Variants in HORMAD2 observed in about 807,000 individuals in gnomAD.
The protein encoded by HORMAD2 is HORMA domain containing 2.
A neutral mutation model predicts 38.8 loss-of-function variants in HORMAD2; 45 were observed. The ratio of observed to expected loss-of-function variants is 1.16; its 90% CI spans 0.91 to 1.49. The LOEUF (loss-of-function observed/expected upper bound fraction) is 1.49. HORMAD2 is among the 40% of genes most tolerant of loss of function. The pLI, the probability that HORMAD2 is intolerant of heterozygous loss-of-function variation, is 0.00. For synonymous variants in HORMAD2, 126 were observed against 122.8 expected, an observed-to-expected ratio of 1.03 and a Z score of -0.17; for missense variants, 338 against 367.0, an observed-to-expected ratio of 0.92 and a Z score of 0.65.
chr22:30,122,730 G>C (rs1922548709), intron 10 of HORMAD2, among the ~76,000 whole-genome samples: 1 of 152,252 alleles, frequency 6.6e-6, no homozygotes, highest in Middle Eastern at 3.4e-3. Flanking sequence ...GGGTTGGTGG[G>C]GTTGGAGCTA....
intron 10 of HORMAD2, among the ~76,000 whole-genome samples, chr22:30,165,126 A>G (rs999482142): frequency 1.3e-5 from 2 of 152,196 alleles, no homozygotes; most frequent in Admixed American, 6.5e-5. Context: ...ATAAAGGTCT[A>G]ACTTCATTCT....
At chr22:30,148,862 G>A (rs567827528) in intron 10 of HORMAD2, among the ~76,000 whole-genome samples, 8 of 152,096 alleles carry the variant, frequency 5.3e-5, no homozygotes, top group Non-Finnish European at 7.4e-5. Flanking sequence ...AAAGTTAGCC[G>A]GGCGTGGTGA....
intron 2 of HORMAD2, among the ~76,000 whole-genome samples, chr22:30,095,108 G>A (rs984010249): frequency 4.6e-5 from 7 of 152,140 alleles, no homozygotes; most frequent in Non-Finnish European, 7.4e-5. Context: ...ACTGGCAATC[G>A]AAAAATCTTA....
At chr22:30,082,074 T>G (rs2068489149) in intron 1 of HORMAD2, among the ~76,000 whole-genome samples, 1 of 152,240 alleles carries the variant, frequency 6.6e-6, no homozygotes, top group African/African-American at 2.4e-5. Context: ...GGATCTTCTT[T>G]AAATCAAAGG....
At chr22:30,130,806 G>A (rs1213781756) in intron 10 of HORMAD2, among the ~76,000 whole-genome samples, 1 of 151,634 alleles carries the variant, frequency 6.6e-6, no homozygotes, top group Non-Finnish European at 1.5e-5. Context: ...GCCCAGGCTG[G>A]TCTCCAACTC....
chr22:30,157,945 A>G (rs1195117089), intron 10 of HORMAD2, among the ~76,000 whole-genome samples: 1 of 152,230 alleles, frequency 6.6e-6, no homozygotes, highest in African/African-American at 2.4e-5. Context: ...AATTATTAAC[A>G]TGTACCAGAT....
downstream of HORMAD2, among the ~76,000 whole-genome samples, chr22:30,179,461 G>A (rs966362477): frequency 6.6e-6 from 1 of 152,182 alleles, no homozygotes; most frequent in African/African-American, 2.4e-5. Context: ...GATAGAGAAG[G>A]AGGACACCCT....
intron 7 of HORMAD2, among the ~76,000 whole-genome samples, chr22:30,116,272 A>G (rs991219509): frequency 6.6e-6 from 1 of 152,170 alleles, no homozygotes; most frequent in Non-Finnish European, 1.5e-5. Context: ...ACAGATGGGT[A>G]GGGCCTTGCA....
intron 1 of HORMAD2, among the ~76,000 whole-genome samples, chr22:30,085,483 G>A (rs2068554924): frequency 1.3e-5 from 2 of 152,334 alleles, no homozygotes; most frequent in Admixed American, 6.5e-5. Context: ...GCTGGGTGCA[G>A]TGGCTCATGC....
chr22:30,125,192 A>T (rs1601545744), intron 10 of HORMAD2, among the ~76,000 whole-genome samples: 1 of 90,108 alleles, frequency 1.1e-5, no homozygotes, highest in African/African-American at 4.5e-5. Context: ...TTTGTGGCTC[A>T]TCTTTTCACT....
intron 10 of HORMAD2, among the ~76,000 whole-genome samples, chr22:30,124,885 C>T (rs1208184655): frequency 3.9e-5 from 6 of 152,072 alleles, no homozygotes; most frequent in African/African-American, 1.4e-4. Context: ...ACTCGCTACC[C>T]CCAGTGAAGG....
At chr22:30,189,232 A>C in the HORMAD2 span, among the ~76,000 whole-genome samples, 1 of 152,156 alleles carries the variant, frequency 6.6e-6, no homozygotes, top group Admixed American at 6.5e-5. Flanking sequence ...GGGGAATGAC[A>C]AGGCATTGGG....
the HORMAD2 span, among the ~76,000 whole-genome samples, chr22:30,189,177 A>G: frequency 6.6e-6 from 1 of 152,152 alleles, no homozygotes; most frequent in Non-Finnish European, 1.5e-5. Context: ...GTGTTTTGAA[A>G]ACTAGTTCTA....
intron 10 of HORMAD2, among the ~76,000 whole-genome samples, chr22:30,154,869 A>T (rs1253962124): frequency 6.6e-6 from 1 of 152,114 alleles, no homozygotes; most frequent in African/African-American, 2.4e-5. Context: ...GGAGTTCAAG[A>T]CCAGCCCGGG....
chr22:30,160,899 A>G (rs1925402243), intron 10 of HORMAD2, among the ~76,000 whole-genome samples: 1 of 152,236 alleles, frequency 6.6e-6, no homozygotes. Context: ...TGCATAAATA[A>G]TATGAAAATT....
the HORMAD2 span, among the ~76,000 whole-genome samples, chr22:30,189,544 A>G: frequency 5.9e-5 from 9 of 152,056 alleles, no homozygotes; most frequent in Non-Finnish European, 1.2e-4. Context: ...TGACTATTGT[A>G]CATAGCCTGT....
intron 10 of HORMAD2, among the ~76,000 whole-genome samples, chr22:30,150,441 T>C (rs1029125364): frequency 1.3e-5 from 2 of 152,182 alleles, no homozygotes; most frequent in Non-Finnish European, 2.9e-5. Context: ...TATAGAGTCT[T>C]TCTCTCTGTG....
At chr22:30,206,545 C>T in the HORMAD2 span, among the ~76,000 whole-genome samples, 4 of 152,082 alleles carry the variant, frequency 2.6e-5, no homozygotes, top group African/African-American at 4.8e-5. Flanking sequence ...TGCAGTGGTG[C>T]GACCATAGCT....
chr22:30,109,572 C>A (rs1198816728), intron 5 of HORMAD2, among the ~76,000 whole-genome samples: 46 of 152,204 alleles, frequency 3.0e-4, no homozygotes, highest in Admixed American at 3.0e-3. Context: ...CCACCTTGGG[C>A]TCCCAAAGTG....
Sources: gnomAD v4.1 joint callset for allele counts (sites outside exome capture counted in the v4.1 genomes callset) on GRCh38, gnomAD v4.1.1 for gene constraint, MANE v1.5 for transcripts, NCBI Gene and HGNC (gene_info 2026-07-23, HGNC 2026-07-21) for gene names.